The following RCOR3 variants were observed in gnomAD, a reference collection of about 807,000 sequenced individuals.
RCOR3 encodes the protein REST corepressor 3.
Under a neutral mutation model 64.1 loss-of-function variants are expected in RCOR3, and 13 were observed. That is an observed-to-expected ratio of 0.20 (90% confidence interval 0.13 to 0.32). The LOEUF (loss-of-function observed/expected upper bound fraction) is 0.32, where lower values mean the gene tolerates loss of function less well. RCOR3 is among the 10% of genes least tolerant of loss of function. RCOR3 has a pLI of 1.00. For missense variants in RCOR3, 489 were observed against 701.2 expected (o/e 0.70, Z 3.42); for synonymous variants, 215 against 239.0 (o/e 0.90, Z 0.93).
intron 2 of RCOR3, among the ~76,000 whole-genome samples, chr1:211,270,149 T>C (rs1219348358): frequency 6.6e-6 from 1 of 151,382 alleles, no homozygotes; most frequent in Non-Finnish European, 1.5e-5. Flanking sequence ...TGGCAACCTC[T>C]GCCTCCTGGG....
chr1:211,265,377 A>G (rs1198370102), intron 2 of RCOR3, among the ~76,000 whole-genome samples: 1 of 152,114 alleles, frequency 6.6e-6, no homozygotes, highest in Non-Finnish European at 1.5e-5. Flanking sequence ...ATTTCCATGC[A>G]TTTTCTCCAC....
rs563948556 is a variant in RCOR3 at position 211,274,999 on chromosome 1, G to A, written c.354+737G>A. Among the ~76,000 whole-genome samples the A allele has an allele frequency of 3.3e-5, 5 of 151,076 alleles. No homozygotes were observed. The South Asian group carries it at 1.0e-3, about 31-fold the overall frequency. Reference sequence around the variant, plus strand: ...TAAGTTATATTAAATAGACTATAATGTATTTATATGATGTTTATTATGTAA... The same window carrying A: ...TAAGTTATATTAAATAGACTATAATATATTTATATGATGTTTATTATGTAA... On this transcript the variant is annotated intron_variant, in intron 4 of 11. Coordinates refer to ENST00000419091, the MANE Select transcript of RCOR3 (RefSeq NM_001136223.3).
At chr1:211,261,923 C>CAAAAAAAAAAAAAAA in intron 2 of RCOR3, among the ~76,000 whole-genome samples, 1 of 34,126 alleles carries the variant, frequency 2.9e-5, no homozygotes, top group Non-Finnish European at 4.8e-5. Context: ...GACTCCATCT[C>CAAAAAAAAAAAAAAA]AAAAAAAAAA....
At chr1:211,289,456 T>A in intron 8 of RCOR3, 60 bp downstream of exon 8, 1 of 1,338,810 alleles carries the variant, frequency 7.5e-7, no homozygotes, top group South Asian at 1.3e-5. Context: ...CGCTTTTACC[T>A]TTTACCTAGG....
rs1701729958 is a variant in RCOR3 at position 211,313,912 on chromosome 1, G to T, written c.*144G>T. ...CTGTGGCAGTGGACTAGCATAAGTG[G>T]ATGTCTAAGAAATTTTTCAGTTCAC... On this transcript the variant is annotated 3_prime_UTR_variant, in exon 12 of 12. Coordinates refer to ENST00000419091, the MANE Select transcript of RCOR3 (RefSeq NM_001136223.3). The surrounding 1 kb of genome is among the most constrained non-coding windows in gnomAD (Gnocchi z 4.7). The T allele has an allele frequency of 1.3e-6, 1 of 778,028 alleles. No individual in the cohort carries two copies. Among genetic ancestry groups the T allele is most frequent in the Non-Finnish European group, 2.0e-6 (1 of 501,514 alleles). 48.2% of individuals were successfully genotyped at this position (778,028 alleles called of 1,614,324 possible).
intron 7 of RCOR3, among the ~76,000 whole-genome samples, chr1:211,281,986 T>C (rs1697873375): frequency 6.6e-6 from 1 of 152,210 alleles, no homozygotes; most frequent in South Asian, 2.1e-4. Flanking sequence ...TGAGAATACA[T>C]GCTATATGCT....
At position 211,259,664 on chromosome 1, in the gene RCOR3, C is replaced by G; in HGVS notation, c.104C>G (p.Ser35Cys). ...PAGGGGSGASSTNGGLHYSEP... is the reference protein window; with the variant it reads ...PAGGGGSGASCTNGGLHYSEP... ...GGCGGCGGCGGCAGCGGCGCCTCGT[C>G]CACCAACGGCGGGCTGCACTACTCA... is the stretch of plus-strand genomic sequence containing the variant. The change falls in exon 1 of 12, where the codon TCC becomes TGC. Residue 35 changes from serine to cysteine, a missense_variant. Around this residue, in one of 2 missense-constraint regions of RCOR3, gnomAD observed 87 missense variants for 84.3 expected, o/e 1.03. Coordinates refer to ENST00000419091, the MANE Select transcript of RCOR3 (RefSeq NM_001136223.3). 1 of 1,546,692 alleles carries G rather than the reference C, an allele frequency of 6.5e-7. No individual in the cohort carries two copies. The highest frequency in any genetic ancestry group is 8.7e-7 in the Non-Finnish European group (1 of 1,145,146).
rs1347875335 is a variant in RCOR3, at chr1:211,312,599, A to G, written c.1076-121A>G. On this transcript the variant is annotated intron_variant, in intron 10 of 11. Transcript: ENST00000419091. This position sits in a 1 kb window ranked among gnomAD's most constrained non-coding sequence, Gnocchi z 5.0. Reference sequence around the variant, plus strand: ...TTAGCCTCTATCTCAGAATTGAGAAATGAGCAGAGTTTATCAGAAAGGAAT... The same window carrying G: ...TTAGCCTCTATCTCAGAATTGAGAAGTGAGCAGAGTTTATCAGAAAGGAAT... 1.3e-6 allele frequency: 1 copy of G among 753,222 alleles called. No individual in the cohort carries two copies. The highest frequency in any genetic ancestry group is 1.7e-5 in the South Asian group (1 of 60,360). The allele number at this position is 753,222 out of a possible 1,614,324, so 46.7% of individuals were successfully genotyped here.
At chr1:211,271,422 CTTTGT>C (rs1258764662) in intron 3 of RCOR3, 113 bp downstream of exon 3, 4 of 762,122 alleles carry the variant, frequency 5.2e-6, no homozygotes, top group Non-Finnish European at 6.6e-6. Context: ...ACAGTTTTGT[CTTTGT>C]TTTATTTTTT....
chr1:211,274,086 C>G, intron 3 of RCOR3, 124 bp from the exon 4 acceptor site: 1 of 456,558 alleles, frequency 2.2e-6, no homozygotes, highest in Non-Finnish European at 3.6e-6. Context: ...ATGGGAGGTG[C>G]CTTTGGCTTT....
At chr1:211,289,486 G>C in intron 8 of RCOR3, 90 bp downstream of exon 8, 3 of 1,060,702 alleles carry the variant, frequency 2.8e-6, no homozygotes, top group South Asian at 1.5e-5. Context: ...GTTGTTTGCA[G>C]ATTTTTCTCA....
Position 211,289,264 on chromosome 1 carries a change from G to T in RCOR3, c.807G>T (p.Gln269His). The part of the protein sequence containing the change: ...YQSLQHRHHS[Q>H]RSKCRPPKGM... Reference sequence around the variant, plus strand: ...GTTTACAACATCGCCATCATTCTCAGCGTTCTAAGTGCCGTCCACCTAAGG... The same window carrying T: ...GTTTACAACATCGCCATCATTCTCATCGTTCTAAGTGCCGTCCACCTAAGG... Residue 269 changes from glutamine (Q) to histidine (H), a missense_variant, in exon 8 of 12, where the codon CAG becomes CAT. By Grantham distance (24) the Gln-to-His change is conservative (BLOSUM62 0). Coordinates refer to ENST00000419091, the MANE Select transcript of RCOR3 (RefSeq NM_001136223.3). 6.2e-7 allele frequency: 1 copy of T among 1,614,100 alleles called. No homozygotes were observed. Among genetic ancestry groups the T allele is most frequent in the Non-Finnish European group, 8.5e-7 (1 of 1,180,024 alleles).
At chr1:211,265,046 C>G (rs1339750309) in intron 2 of RCOR3, among the ~76,000 whole-genome samples, 3 of 152,124 alleles carry the variant, frequency 2.0e-5, no homozygotes, top group Admixed American at 6.5e-5. Flanking sequence ...TTAAGTATAT[C>G]ACAAGATTAA....
intron 5 of RCOR3, 92 bp downstream of exon 5, chr1:211,276,510 C>A: frequency 8.6e-7 from 1 of 1,158,518 alleles, no homozygotes; most frequent in Non-Finnish European, 1.2e-6. Flanking sequence ...CAAAAACATT[C>A]TTCAATTTAA....
At chr1:211,307,474 C>G (rs889077875) in intron 10 of RCOR3, among the ~76,000 whole-genome samples, 1 of 26,438 alleles carries the variant, frequency 3.8e-5, no homozygotes, top group African/African-American at 1.2e-4. Flanking sequence ...GAGCGAGACT[C>G]TGACTCAAAA....
chr1:211,312,869 C>G lies in RCOR3; in HGVS notation c.1225C>G (p.Gln409Glu). 6.2e-7 allele frequency: 1 copy of G among 1,614,144 alleles called. No homozygotes were observed. The highest frequency in any genetic ancestry group is 8.5e-7 in the Non-Finnish European group (1 of 1,180,016). Residue 409 changes from glutamine to glutamate, a missense_variant, in exon 11 of 12, where the codon CAG becomes GAG. Gln to Glu is a conservative substitution (Grantham distance 29). Around this residue, in one of 2 missense-constraint regions of RCOR3, gnomAD observed 402 missense variants for 617.0 expected, o/e 0.65. Transcript: ENST00000419091. The surrounding 1 kb of genome is among the most constrained non-coding windows in gnomAD (Gnocchi z 5.0). The stretch of plus-strand genomic sequence containing the variant: ...GGAGTGGGAAGCAGAACAAGGAACC[C>G]AGGCTTCTAATGGTGATGCTTCTAC... ...LQEWEAEQGT[Q>E]ASNGDASTLG...
At position 211,316,207 on chromosome 1, in the gene RCOR3, AAAT is replaced by A. The variant is rs1225776694; in HGVS notation, c.*2442_*2444del. ...TGGTTTTTTAAAATTACATAACTAA[AAAT>A]AAACCACACTGTGGATACATCTTAT... On this transcript the variant is annotated 3_prime_UTR_variant, in exon 12 of 12. Transcript: ENST00000419091. 1.3e-5 allele frequency: 2 copies of A among 152,202 alleles called. No homozygotes were observed. Among genetic ancestry groups the A allele is most frequent in the Non-Finnish European group, 2.9e-5 (2 of 68,022 alleles). The allele number at this position is 152,202 out of a possible 1,614,324, so 9.4% of individuals were successfully genotyped here. A position where few individuals can be genotyped will look rare whatever the true frequency, so the allele number is the denominator to read the frequency against.
At chr1:211,271,145 C>T in intron 2 of RCOR3, 87 bp from the exon 3 acceptor site, 1 of 1,187,320 alleles carries the variant, frequency 8.4e-7, no homozygotes. Context: ...GCATGAGCCA[C>T]CGTGCCTGGG....
At position 211,313,102 on chromosome 1, in the gene RCOR3, C is replaced by T; in HGVS notation, c.1317+141C>T. On this transcript the variant is annotated intron_variant, in intron 11 of 11. Transcript: ENST00000419091. This position sits in a 1 kb window ranked among gnomAD's most constrained non-coding sequence, Gnocchi z 4.7. The stretch of plus-strand genomic sequence containing the variant: ...AATACACTTCTTCAGTGGTGCATCT[C>T]TCGTGACTCTTAAGTCATAATGACA... The T allele has an allele frequency of 6.5e-7, 1 of 1,529,258 alleles. No individual in the cohort carries two copies. The highest frequency in any genetic ancestry group is 1.3e-5 in the South Asian group (1 of 76,724). 94.7% of individuals were successfully genotyped at this position (1,529,258 alleles called of 1,614,324 possible). A position where few individuals can be genotyped will look rare whatever the true frequency, so the allele number is the denominator to read the frequency against.
Sources: allele counts gnomAD v4.1 joint callset (sites outside exome capture counted in the v4.1 genomes callset), GRCh38; gene constraint gnomAD v4.1.1; regional missense constraint gnomAD v4.1.1; non-coding constraint Gnocchi (gnomAD v3.1); transcripts MANE v1.5; gene names NCBI Gene and HGNC (gene_info 2026-07-23, HGNC 2026-07-21).